The following B4GALT5 variants were observed in gnomAD, a reference collection of about 807,000 sequenced individuals.
The protein encoded by B4GALT5 is UDP-Gal:beta-GlcNAc beta-1,4-galactosyltransferase 5.
Under a neutral mutation model 45.0 loss-of-function variants are expected in B4GALT5, and 11 were observed. That is an observed-to-expected ratio of 0.24 (90% confidence interval 0.15 to 0.40). The LOEUF is 0.40. B4GALT5 is among the 10% of genes least tolerant of loss of function. B4GALT5 has a pLI of 1.00. For synonymous variants in B4GALT5, 185 were observed against 182.9 expected (o/e 1.01, Z -0.09); for missense variants, 337 against 500.2 (o/e 0.67, Z 3.11).
intron 1 of B4GALT5, among the ~76,000 whole-genome samples, chr20:49,666,895 T>C (rs148531204): frequency 6.6e-6 from 1 of 152,368 alleles, no homozygotes; most frequent in East Asian, 1.9e-4. Context: ...AATCTGCTTA[T>C]TCTGCTTATA....
chr20:49,713,464 G>A (rs1295914389), intron 1 of B4GALT5, 112 bp downstream of exon 1: 3 of 1,093,194 alleles, frequency 2.7e-6, no homozygotes, highest in Admixed American at 2.4e-5. Context: ...AGTCTTCGGA[G>A]GACCAGGCTC....
chr20:49,667,043 A>G (rs1245542547), intron 1 of B4GALT5, among the ~76,000 whole-genome samples: 1 of 152,136 alleles, frequency 6.6e-6, no homozygotes, highest in Non-Finnish European at 1.5e-5. Flanking sequence ...TTTAGAGATG[A>G]AAAAAACTCA....
rs199710789 is a variant in B4GALT5 at position 49,636,262 on chromosome 20, G to C, written c.*50C>G. Reference sequence around the variant, plus strand: ...CCCCCCTCCAAAAAAAAATCTCATCGGACTGCTTTCTTGGTGGCGGTGGGT... The same window carrying C: ...CCCCCCTCCAAAAAAAAATCTCATCCGACTGCTTTCTTGGTGGCGGTGGGT... On this transcript the variant is annotated 3_prime_UTR_variant, in exon 9 of 9. Coordinates refer to ENST00000371711, the MANE Select transcript of B4GALT5 (RefSeq NM_004776.4). 1,827 of 1,602,932 alleles carry C rather than the reference G, an allele frequency of 1.1e-3. 2 individuals carry two copies. Among genetic ancestry groups the C allele is most frequent in the Non-Finnish European group, 1.4e-3 (1,685 of 1,173,564 alleles).
intron 1 of B4GALT5, among the ~76,000 whole-genome samples, chr20:49,681,307 A>T (rs187751977): frequency 9.3e-4 from 142 of 152,104 alleles, no homozygotes; most frequent in Non-Finnish European, 1.5e-3. Flanking sequence ...TGTATTTAAA[A>T]TTCACGTTAA....
intron 1 of B4GALT5, among the ~76,000 whole-genome samples, chr20:49,698,744 CCCTGTG>C (rs1292906609): frequency 6.6e-6 from 1 of 152,156 alleles, no homozygotes; most frequent in African/African-American, 2.4e-5. Flanking sequence ...CTACCTGCCA[CCCTGTG>C]CCTGTGTTGT....
chr20:49,637,002 G>A (rs540294246), intron 8 of B4GALT5, among the ~76,000 whole-genome samples: 3 of 151,708 alleles, frequency 2.0e-5, no homozygotes, highest in Non-Finnish European at 4.4e-5. Context: ...CATTCGGAAC[G>A]GGAGCCTGCG....
At chr20:49,709,920 T>C (rs1305872035) in intron 1 of B4GALT5, among the ~76,000 whole-genome samples, 1 of 152,258 alleles carries the variant, frequency 6.6e-6, no homozygotes, top group Non-Finnish European at 1.5e-5. Context: ...CAATTTTCTA[T>C]GTGAGATGGT....
At chr20:49,673,379 C>A (rs1600543681) in intron 1 of B4GALT5, among the ~76,000 whole-genome samples, 3 of 147,490 alleles carry the variant, frequency 2.0e-5, no homozygotes, top group South Asian at 2.1e-4. Context: ...GACTCCAACT[C>A]AAAAAAAAAA....
intron 2 of B4GALT5, 50 bp from the exon 3 acceptor site, chr20:49,647,128 C>T (rs543305746): frequency 1.7e-5 from 20 of 1,166,542 alleles, no homozygotes; most frequent in African/African-American, 1.5e-4. Context: ...TGTGATCAAC[C>T]GTGCAATTAT....
intron 1 of B4GALT5, among the ~76,000 whole-genome samples, chr20:49,698,407 CA>C (rs1019318799): frequency 1.4e-4 from 22 of 152,092 alleles, no homozygotes; most frequent in African/African-American, 5.1e-4. Context: ...AAAGCCAACC[CA>C]AAAAGTAGCT....
At chr20:49,663,698 C>CATATATAT (rs71186468) in intron 1 of B4GALT5, among the ~76,000 whole-genome samples, 1 of 78,582 alleles carries the variant, frequency 1.3e-5, no homozygotes. Context: ...AAAATATATA[C>CATATATAT]ATATATATAT....
intron 3 of B4GALT5, among the ~76,000 whole-genome samples, 196 bp downstream of exon 3, chr20:49,646,769 T>C (rs1339867393): frequency 6.6e-6 from 1 of 152,068 alleles, no homozygotes; most frequent in African/African-American, 2.4e-5. Flanking sequence ...GTAGGAAAGG[T>C]AGAAAATGGC....
intron 1 of B4GALT5, among the ~76,000 whole-genome samples, chr20:49,682,204 T>G (rs1011271417): frequency 6.6e-6 from 1 of 152,216 alleles, no homozygotes; most frequent in African/African-American, 2.4e-5. Flanking sequence ...GAAGCTGTGG[T>G]GGGTGAATCC....
At chr20:49,640,714 T>C (rs1568714824) in intron 5 of B4GALT5, 49 bp from the exon 6 acceptor site, 2 of 1,522,866 alleles carry the variant, frequency 1.3e-6, no homozygotes, top group Non-Finnish European at 1.8e-6. Context: ...AGGAAAATCT[T>C]TGCTGTCTTT....
intron 2 of B4GALT5, among the ~76,000 whole-genome samples, chr20:49,647,504 C>G (rs2085604181): frequency 6.6e-6 from 1 of 152,166 alleles, no homozygotes. Flanking sequence ...TACCTACCGA[C>G]CTCCCACTTA....
chr20:49,661,699 A>G (rs2085665547), intron 1 of B4GALT5, among the ~76,000 whole-genome samples: 1 of 152,206 alleles, frequency 6.6e-6, no homozygotes, highest in South Asian at 2.1e-4. Context: ...CTTTTCAGGC[A>G]CCGTACGAGG....
chr20:49,689,993 T>C (rs1409188917), intron 1 of B4GALT5, among the ~76,000 whole-genome samples: 1 of 151,938 alleles, frequency 6.6e-6, no homozygotes, highest in Admixed American at 6.6e-5. Context: ...GCACAAGTGT[T>C]TTTGTTGTTG....
intron 1 of B4GALT5, among the ~76,000 whole-genome samples, chr20:49,690,001 T>C (rs986631832): frequency 1.3e-5 from 2 of 152,040 alleles, no homozygotes; most frequent in Admixed American, 6.6e-5. Context: ...GTTTTTGTTG[T>C]TGTTATTTGT....
intron 1 of B4GALT5, among the ~76,000 whole-genome samples, chr20:49,698,793 T>C (rs1225528491): frequency 3.3e-5 from 5 of 152,210 alleles, no homozygotes. Context: ...AGCCTAGCTT[T>C]TTATTTTTTT....
Sources: gnomAD v4.1 joint callset for allele counts (sites outside exome capture counted in the v4.1 genomes callset) on GRCh38, gnomAD v4.1.1 for gene constraint, MANE v1.5 for transcripts, NCBI Gene and HGNC (gene_info 2026-07-23, HGNC 2026-07-21) for gene names.